The following PXYLP1 variants were observed in gnomAD, a reference collection of about 807,000 sequenced individuals.
The protein encoded by PXYLP1 is acid phosphatase-like 2.
Under a neutral mutation model 37.9 loss-of-function variants are expected in PXYLP1, and 17 were observed. That is an observed-to-expected ratio of 0.45 (90% confidence interval 0.31 to 0.67). The LOEUF is 0.67. Among genes scored for constraint, PXYLP1 ranks in the 30% least tolerant of loss-of-function variants. The pLI, the probability that PXYLP1 is intolerant of heterozygous loss-of-function variation, is 0.07. For missense variants in PXYLP1, 511 were observed against 612.0 expected (o/e 0.84, Z 1.74); for synonymous variants, 221 against 232.2 (o/e 0.95, Z 0.44).
chr3:141,259,998 A>G (rs1328193215), intron 1 of PXYLP1, 125 bp from the exon 2 acceptor site: 1 of 666,382 alleles, frequency 1.5e-6, no homozygotes, highest in Non-Finnish European at 2.5e-6. Context: ...CTAGAGATGC[A>G]TGCTTCCCTG....
chr3:141,279,585 G>T, intron 4 of PXYLP1, 81 bp downstream of exon 4: 1 of 1,555,654 alleles, frequency 6.4e-7, no homozygotes, highest in South Asian at 1.2e-5. Flanking sequence ...CCTACACTTG[G>T]TGAACCATAC....
rs1942102530 is a variant in PXYLP1 at position 141,287,402 on chromosome 3, C to T, written c.454C>T (p.Pro152Ser). Reference protein sequence around the residue: ...ASFESPLNSLPLYPNHPLCEM... With the variant: ...ASFESPLNSLSLYPNHPLCEM... ...TTTCGAAAGCCCCTTGAACTCCTTG[C>T]CTCTTTACCCAAATCACCCATTGTG... The change falls in exon 5 of 6, where the codon CCT becomes TCT. Residue 152 changes from proline (P) to serine (S), a missense_variant. By Grantham distance (74) the Pro-to-Ser change is moderately conservative. Transcript: ENST00000286353. 6.2e-7 allele frequency: 1 copy of T among 1,614,120 alleles called. No homozygotes were observed. Among genetic ancestry groups the T allele is most frequent in the Non-Finnish European group, 8.5e-7 (1 of 1,180,002 alleles).
intron 1 of PXYLP1, among the ~76,000 whole-genome samples, chr3:141,237,569 A>G (rs1940690407): frequency 6.6e-6 from 1 of 152,248 alleles, no homozygotes; most frequent in East Asian, 1.9e-4. Flanking sequence ...TGAAACTGAA[A>G]TATAATAATA....
intron 2 of PXYLP1, 134 bp from the exon 3 acceptor site, chr3:141,278,208 T>C (rs79266606): frequency 0.027 from 26,963 of 1,009,206 alleles, 685 homozygotes; most frequent in African/African-American, 0.1. Context: ...AGCTGACTTC[T>C]GCTCCACTGA....
intron 5 of PXYLP1, among the ~76,000 whole-genome samples, chr3:141,290,594 G>A (rs1009749595): frequency 5.9e-5 from 9 of 152,126 alleles, no homozygotes; most frequent in Non-Finnish European, 1.5e-5. Context: ...AGAGAAAGGG[G>A]AACGGTATGA....
At chr3:141,265,067 C>T (rs775731697) in intron 2 of PXYLP1, among the ~76,000 whole-genome samples, 1 of 152,136 alleles carries the variant, frequency 6.6e-6, no homozygotes, top group Non-Finnish European at 1.5e-5. Flanking sequence ...GTCAAGGAGG[C>T]AGCTGAGTAC....
At chr3:141,275,494 C>T (rs1941769595) in intron 2 of PXYLP1, among the ~76,000 whole-genome samples, 1 of 152,246 alleles carries the variant, frequency 6.6e-6, no homozygotes, top group African/African-American at 2.4e-5. Context: ...GGCCAAGGGG[C>T]CAGGACTTGG....
At chr3:141,238,789 C>T (rs1940720468) in intron 1 of PXYLP1, among the ~76,000 whole-genome samples, 1 of 152,132 alleles carries the variant, frequency 6.6e-6, no homozygotes, top group African/African-American at 2.4e-5. Context: ...GCTGTATTCT[C>T]ACAATAAGCT....
chr3:141,262,486 T>G, intron 2 of PXYLP1: 1 of 732,122 alleles, frequency 1.4e-6, no homozygotes, highest in Non-Finnish European at 2.0e-6. Flanking sequence ...TTACTTGTGT[T>G]TGTGGCATTT....
intron 4 of PXYLP1, among the ~76,000 whole-genome samples, chr3:141,284,053 G>A (rs1324334563): frequency 1.3e-5 from 2 of 151,988 alleles, no homozygotes; most frequent in African/African-American, 4.8e-5. Context: ...TTATTTTCAT[G>A]GATATAATTA....
intron 1 of PXYLP1, among the ~76,000 whole-genome samples, chr3:141,245,289 A>G (rs1940910635): frequency 6.6e-6 from 1 of 151,450 alleles, no homozygotes; most frequent in Admixed American, 6.6e-5. Flanking sequence ...CTGGTCTCGA[A>G]CTCCTGACCT....
intron 5 of PXYLP1, among the ~76,000 whole-genome samples, chr3:141,291,893 G>A (rs1241342868): frequency 2.0e-5 from 3 of 152,200 alleles, no homozygotes; most frequent in Admixed American, 1.3e-4. Flanking sequence ...TGGACAGGAG[G>A]GAAAAACCTC....
intron 2 of PXYLP1, chr3:141,262,599 C>A (rs975331011): frequency 1.2e-5 from 17 of 1,462,096 alleles, no homozygotes; most frequent in Non-Finnish European, 1.4e-5. Context: ...AATTTTCAGC[C>A]ATACTTTTTT....
intron 1 of PXYLP1, among the ~76,000 whole-genome samples, chr3:141,243,345 A>G (rs185032213): frequency 6.6e-6 from 1 of 152,304 alleles, no homozygotes; most frequent in East Asian, 1.9e-4. Context: ...ACATTTCAAG[A>G]ATACCACCTT....
chr3:141,273,077 C>T (rs1424770518), intron 2 of PXYLP1: 26 of 985,346 alleles, frequency 2.6e-5, no homozygotes, highest in Non-Finnish European at 1.2e-6. Context: ...GCAGGGGGCC[C>T]CGTGCCTGAG....
At chr3:141,236,667 C>A (rs917219608) in intron 1 of PXYLP1, among the ~76,000 whole-genome samples, 1 of 152,172 alleles carries the variant, frequency 6.6e-6, no homozygotes, top group Non-Finnish European at 1.5e-5. Context: ...GAAGCTCTTA[C>A]TTGCTGTTTG....
intron 5 of PXYLP1, among the ~76,000 whole-genome samples, chr3:141,291,038 G>A (rs1576609788): frequency 2.6e-5 from 4 of 152,158 alleles, no homozygotes; most frequent in Admixed American, 2.6e-4. Context: ...GGGTTCCTGG[G>A]GGAGTTCTGT....
At chr3:141,234,908 C>G (rs1179290375) in intron 1 of PXYLP1, 1 of 152,238 alleles carries the variant, frequency 6.6e-6, no homozygotes, top group African/African-American at 2.4e-5. Flanking sequence ...ATTCCTGCAG[C>G]TGGTGAAAAT....
intron 1 of PXYLP1, among the ~76,000 whole-genome samples, chr3:141,239,563 C>G (rs563161398): frequency 1.6e-4 from 25 of 152,214 alleles, no homozygotes; most frequent in African/African-American, 5.8e-4. Flanking sequence ...TGCTGATTAT[C>G]TTGAAACAGC....
Sources: allele counts gnomAD v4.1 joint callset (sites outside exome capture counted in the v4.1 genomes callset), GRCh38; gene constraint gnomAD v4.1.1; transcripts MANE v1.5; gene names NCBI Gene and HGNC (gene_info 2026-07-23, HGNC 2026-07-21).